The following PTPN18 variants were observed in gnomAD, a reference collection of about 807,000 sequenced individuals.
PTPN18 encodes the protein protein tyrosine phosphatase non-receptor type 18.
In PTPN18, 65 loss-of-function variants were observed where a neutral mutation model predicts 65.4. The ratio of observed to expected loss-of-function variants is 0.99; its 90% CI spans 0.81 to 1.22. The LOEUF (loss-of-function observed/expected upper bound fraction) is 1.22, where lower values mean the gene tolerates loss of function less well. Ranked by LOEUF, PTPN18 falls within the 50% of genes most tolerant of loss-of-function variation. The pLI is 0.00. For missense variants in PTPN18, 616 were observed against 646.5 expected (o/e 0.95, Z 0.51); for synonymous variants, 255 against 267.8 (o/e 0.95, Z 0.47).
In PTPN18 at chr2:130,357,579, G is replaced by A. The variant is rs187647957; in HGVS notation, c.94-1288G>A. Among the ~76,000 whole-genome samples, 272 of 152,168 alleles carry A rather than the reference G, an allele frequency of 1.8e-3. 2 individuals are homozygous for A. Among genetic ancestry groups the A allele is most frequent in the African/African-American group, 6.3e-3 (261 of 41,502 alleles). ...GATATAAAATATGTAACAGATGGCCGGGCACGGTGGCTCACGCCTATAATC... is the reference window on the plus strand; with the variant it reads ...GATATAAAATATGTAACAGATGGCCAGGCACGGTGGCTCACGCCTATAATC... On this transcript the variant is annotated intron_variant, in intron 1 of 14. Transcript: ENST00000175756.
rs552903857 is a variant in PTPN18 at position 130,362,893 on chromosome 2, C to G, written c.414+3247C>G. ...GGAGTGCAATGGCGCGATCTCAGCT[C>G]GCTGCAACCTCCGCCTCCCGGGTCC... On this transcript the variant is annotated intron_variant, in intron 5 of 14. Transcript: ENST00000175756. Among the ~76,000 whole-genome samples the G allele has an allele frequency of 3.3e-5, 5 of 152,148 alleles. No individual in the cohort carries two copies. The East Asian group carries it at 9.8e-4, about 30-fold the overall frequency.
At chr2:130,368,732 G>A (rs773464050) in intron 5 of PTPN18, among the ~76,000 whole-genome samples, 6 of 152,154 alleles carry the variant, frequency 3.9e-5, no homozygotes, top group Non-Finnish European at 8.8e-5. Context: ...CTTGAGCCAT[G>A]GTCTCTGGCT....
At chr2:130,371,575 C>G (rs1444662244) in intron 12 of PTPN18, among the ~76,000 whole-genome samples, 1 of 152,148 alleles carries the variant, frequency 6.6e-6, no homozygotes, top group East Asian at 1.9e-4. Flanking sequence ...CCCAGCACTT[C>G]GGGAGGCCAA....
chr2:130,363,359 ATAGC>A (rs1680282760), intron 5 of PTPN18, among the ~76,000 whole-genome samples: 1 of 152,006 alleles, frequency 6.6e-6, no homozygotes, highest in Non-Finnish European at 1.5e-5. Context: ...AGGCAGAAGA[ATAGC>A]TTGAACCAGG....
At chr2:130,357,855 C>CAAA (rs549804785) in intron 1 of PTPN18, among the ~76,000 whole-genome samples, 2 of 88,710 alleles carry the variant, frequency 2.3e-5, no homozygotes, top group African/African-American at 6.7e-5. Flanking sequence ...GACTCCATCT[C>CAAA]AAAAAAAAAA....
At chr2:130,362,117 C>T (rs943785937) in intron 5 of PTPN18, 3 of 470,460 alleles carry the variant, frequency 6.4e-6, no homozygotes, top group African/African-American at 2.0e-5. Context: ...TACAGGCATA[C>T]ACCACCGTGC....
At chr2:130,371,411 T>A in intron 12 of PTPN18, 124 bp downstream of exon 12, 1 of 849,540 alleles carries the variant, frequency 1.2e-6, no homozygotes, top group South Asian at 1.8e-5. Context: ...TTTCTTCGAA[T>A]TGAGCTCTGG....
In PTPN18 at chr2:130,373,276, C is replaced by T. The variant is rs752609261; in HGVS notation, c.*52C>T. On this transcript the variant is annotated 3_prime_UTR_variant, in exon 15 of 15. Transcript: ENST00000175756. This position sits in a 1 kb window ranked among gnomAD's most constrained non-coding sequence, Gnocchi z 4.1. ...CTCTTGTGAGCTCGGACTGCTGATG[C>T]CCCGGTGCTGCTGAGCGCCGTGCGC... 2.6e-5 allele frequency: 38 copies of T among 1,480,012 alleles called. No homozygotes were observed. The highest frequency in any genetic ancestry group is 1.6e-5 in the Non-Finnish European group (18 of 1,102,212). 91.7% of individuals were successfully genotyped at this position (1,480,012 alleles called of 1,614,324 possible). A position where few individuals can be genotyped will look rare whatever the true frequency, so the allele number is the denominator to read the frequency against.
rs1484341401 is a variant in PTPN18, at chr2:130,356,555, C to T, written c.93+355C>T. The T allele has an allele frequency of 8.1e-6, 4 of 496,778 alleles. No homozygotes were observed. In the East Asian group the frequency reaches 2.4e-4, roughly 29 times the overall value. The allele number at this position is 496,778 out of a possible 1,614,324, so 30.8% of individuals were successfully genotyped here. A position where few individuals can be genotyped will look rare whatever the true frequency, so the allele number is the denominator to read the frequency against. On this transcript the variant is annotated intron_variant, in intron 1 of 14. Transcript: ENST00000175756. ...GCGGCCCTGCTGCGCTGGACAGCCC[C>T]GGCCCCGCCGCTTCTGGCGACCTGA...
At chr2:130,368,253 T>A (rs1442589271) in intron 5 of PTPN18, among the ~76,000 whole-genome samples, 1 of 152,242 alleles carries the variant, frequency 6.6e-6, no homozygotes, top group Non-Finnish European at 1.5e-5. Flanking sequence ...ACTTTCCTGC[T>A]TCTTTGTATG....
At chr2:130,369,303 G>C in intron 6 of PTPN18, 102 bp downstream of exon 6, 1 of 1,092,134 alleles carries the variant, frequency 9.2e-7, no homozygotes, top group African/African-American at 1.6e-5. Context: ...CATACTGCAG[G>C]AAACCCTCTG....
chr2:130,359,075 G>C, intron 2 of PTPN18, 100 bp downstream of exon 2: 1 of 1,465,742 alleles, frequency 6.8e-7, no homozygotes, highest in Non-Finnish European at 9.4e-7. Flanking sequence ...TCTCCTCCCA[G>C]AGCCTCACCC....
intron 1 of PTPN18, among the ~76,000 whole-genome samples, chr2:130,358,234 CT>C: frequency 6.6e-6 from 1 of 152,324 alleles, no homozygotes; most frequent in Non-Finnish European, 1.5e-5. Flanking sequence ...AGAATAGTGG[CT>C]GGCACACAGT....
intron 5 of PTPN18, among the ~76,000 whole-genome samples, chr2:130,361,451 TA>T (rs1214238784): frequency 6.6e-6 from 1 of 152,202 alleles, no homozygotes; most frequent in Non-Finnish European, 1.5e-5. Context: ...TATTTGTTAA[TA>T]TTTTTTTCTG....
Position 130,372,293 on chromosome 2 carries a change from G to A in PTPN18, c.1050G>A (p.Met350Ile). 1 of 1,557,660 alleles carries A rather than the reference G, an allele frequency of 6.4e-7. No individual in the cohort carries two copies. Among genetic ancestry groups the A allele is most frequent in the East Asian group, 2.5e-5 (1 of 39,870 alleles). The change falls in exon 13 of 15, where the codon ATG (methionine) becomes ATA (isoleucine). Residue 350 changes from methionine to isoleucine, a missense_variant. By Grantham distance (10) the Met-to-Ile change is conservative. Around this residue, in one of 3 missense-constraint regions of PTPN18, gnomAD observed 368 missense variants for 386.7 expected, o/e 0.95. Transcript: ENST00000175756. ...ISVPGSPGHA[M>I]ADTYAVVQKR... ...TGCCCGGGTCCCCGGGCCACGCCAT[G>A]GCTGACACCTACGCGGTGGTGCAGA...
At chr2:130,372,764 C>T in intron 13 of PTPN18, 109 bp from the exon 14 acceptor site, 2 of 1,344,728 alleles carry the variant, frequency 1.5e-6, no homozygotes, top group Non-Finnish European at 2.1e-6. Flanking sequence ...CCGCCCGGCG[C>T]CCTCGGCTCT....
In PTPN18 at chr2:130,374,930, A is replaced by C; in HGVS notation, c.*1706A>C. 1 of 275,596 alleles carries C rather than the reference A, an allele frequency of 3.6e-6. No homozygotes were observed. Among genetic ancestry groups the C allele is most frequent in the Non-Finnish European group, 7.4e-6 (1 of 135,502 alleles). The allele number at this position is 275,596 out of a possible 1,614,324, so 17.1% of individuals were successfully genotyped here. ...GGGTGATGCTGAGGTGTGGATTTTT[A>C]ACAGTTCCCAGACTTTCCCAGGAGG... On this transcript the variant is annotated 3_prime_UTR_variant, in exon 15 of 15. Transcript: ENST00000175756.
chr2:130,372,030 TCTGCCCCAAATTACC>T (rs1558848117), intron 12 of PTPN18: 3 of 517,940 alleles, frequency 5.8e-6, no homozygotes, highest in Non-Finnish European at 1.0e-5. Flanking sequence ...AAACCAACAC[TCTGCCCCAAATTACC>T]CTCCAGGCTG....
chr2:130,371,029 C>T, intron 11 of PTPN18, 65 bp downstream of exon 11: 1 of 1,537,156 alleles, frequency 6.5e-7, no homozygotes, highest in Non-Finnish European at 8.9e-7. Context: ...GGACCCCGAG[C>T]AGGGTCCAGC....
Sources: allele counts gnomAD v4.1 joint callset (sites outside exome capture counted in the v4.1 genomes callset), GRCh38; gene constraint gnomAD v4.1.1; regional missense constraint gnomAD v4.1.1; non-coding constraint Gnocchi (gnomAD v3.1); transcripts MANE v1.5; gene names NCBI Gene and HGNC (gene_info 2026-07-23, HGNC 2026-07-21).